Variants in LPP observed in about 807,000 individuals in gnomAD.
LPP encodes LIM domain containing preferred translocation partner in lipoma.
A neutral mutation model predicts 60.4 loss-of-function variants in LPP; 38 were observed. The observed-to-expected ratio is 0.63, with a 90% confidence interval of 0.49 to 0.83. The LOEUF (loss-of-function observed/expected upper bound fraction) is 0.83. LPP is among the 40% of genes least tolerant of loss of function. LPP has a pLI of 0.00. For missense variants in LPP, 902 were observed against 783.6 expected, an observed-to-expected ratio of 1.15 and a Z score of -1.80; for synonymous variants, 328 against 290.8, an observed-to-expected ratio of 1.13 and a Z score of -1.30.
intron 7 of LPP, among the ~76,000 whole-genome samples, chr3:188,653,450 A>G (rs896108569): frequency 6.6e-6 from 1 of 152,160 alleles, no homozygotes; most frequent in Non-Finnish European, 1.5e-5. Context: ...AACATAACAC[A>G]CAATTATAGC....
intron 9 of LPP, among the ~76,000 whole-genome samples, chr3:188,779,036 A>G (rs1159181874): frequency 6.6e-6 from 1 of 152,170 alleles, no homozygotes; most frequent in Non-Finnish European, 1.5e-5. Flanking sequence ...CAAATGCTTC[A>G]CAATTTGAAT....
rs1317951778 is a variant in LPP, at chr3:188,484,691, C to T, written c.293C>T (p.Ala98Val). ...FPPPPPLDEE[A>V]FKVQGNPGGK... ...CCTCCACCACCTCTTGATGAAGAGG[C>T]TTTCAAAGTACAGGTAAGAGCTGAA... The change falls in exon 5 of 12, where the codon GCT becomes GTT. Residue 98 changes from alanine to valine, a missense_variant. By Grantham distance (64) the Ala-to-Val change is moderately conservative. Transcript: ENST00000617246. 1 of 1,608,544 alleles carries T rather than the reference C, an allele frequency of 6.2e-7. No individual in the cohort carries two copies. Among genetic ancestry groups the T allele is most frequent in the Admixed American group, 1.7e-5 (1 of 60,016 alleles).
chr3:188,302,548 A>G (rs945490918), intron 2 of LPP, among the ~76,000 whole-genome samples: 1 of 152,188 alleles, frequency 6.6e-6, no homozygotes, highest in Non-Finnish European at 1.5e-5. Flanking sequence ...TTAGTATTTG[A>G]CAGAATGGGG....
intron 5 of LPP, among the ~76,000 whole-genome samples, chr3:188,501,531 C>T (rs1010235169): frequency 1.8e-4 from 28 of 152,082 alleles, no homozygotes; most frequent in South Asian, 1.0e-3. Flanking sequence ...GGGTGGATCA[C>T]GAGGTCAGGA....
Position 188,785,527 on chromosome 3 carries a change from TATTCCATCATATATATATATACACAC to T in LPP, c.1410+25247_1410+25272del, listed in dbSNP as rs1560201546. Among the ~76,000 whole-genome samples the T allele has an allele frequency of 4.0e-4, 14 of 35,396 alleles. 2 individuals are homozygous for T. Among genetic ancestry groups the T allele is most frequent in the African/African-American group, 2.2e-3 (14 of 6,438 alleles). The allele number at this position is 35,396 out of a possible 152,430, so 23.2% of individuals were successfully genotyped here. Reference sequence around the variant, plus strand: ...ATTCCATCATATATATATATATATATATTCCATCATATATATATATACACACACACACACACACACACACACATACC... The same window carrying T: ...ATTCCATCATATATATATATATATATACACACACACACACACACACATACC... On this transcript the variant is annotated intron_variant, in intron 9 of 11. Coordinates refer to ENST00000617246, the MANE Select transcript of LPP (RefSeq NM_001375462.1).
chr3:188,521,261 T>G (rs757148317), intron 5 of LPP, among the ~76,000 whole-genome samples: 13 of 152,280 alleles, frequency 8.5e-5, no homozygotes, highest in Admixed American at 2.0e-4. Context: ...ATAAATTGCA[T>G]CAACCTAATT....
At chr3:188,746,901 T>C (rs1726401008) in intron 8 of LPP, among the ~76,000 whole-genome samples, 1 of 152,218 alleles carries the variant, frequency 6.6e-6, no homozygotes, top group Admixed American at 6.5e-5. Flanking sequence ...AAGTTTGAAG[T>C]CTTGAAGGGC....
chr3:188,507,756 T>C (rs899323151), intron 5 of LPP, among the ~76,000 whole-genome samples: 9 of 152,160 alleles, frequency 5.9e-5, no homozygotes, highest in Non-Finnish European at 1.5e-5. Flanking sequence ...TACCAGATCG[T>C]TGCCCCCTGG....
chr3:188,252,669 A>G (rs762956276), intron 2 of LPP, among the ~76,000 whole-genome samples: 18 of 152,166 alleles, frequency 1.2e-4, no homozygotes, highest in African/African-American at 4.3e-4. Context: ...CACATGTCCT[A>G]TTAGGAGTAA....
At chr3:188,296,442 C>T (rs1182192740) in intron 2 of LPP, among the ~76,000 whole-genome samples, 1 of 152,112 alleles carries the variant, frequency 6.6e-6, no homozygotes, top group Admixed American at 6.5e-5. Flanking sequence ...TGAGCAAAAG[C>T]AGAGGCAGGG....
chr3:188,160,000 C>A (rs1473481269), intron 1 of LPP, among the ~76,000 whole-genome samples: 1 of 152,206 alleles, frequency 6.6e-6, no homozygotes, highest in Non-Finnish European at 1.5e-5. Flanking sequence ...GCAACCTCCA[C>A]CCCCTGGGTT....
chr3:188,871,640 C>T (rs908763548), intron 10 of LPP, among the ~76,000 whole-genome samples: 1 of 152,092 alleles, frequency 6.6e-6, no homozygotes, highest in South Asian at 2.1e-4. Context: ...AAACCAGTAC[C>T]ATGAAAAAAC....
intron 9 of LPP, among the ~76,000 whole-genome samples, chr3:188,845,557 C>T (rs1029413760): frequency 3.3e-5 from 5 of 152,104 alleles, no homozygotes; most frequent in African/African-American, 1.2e-4. Flanking sequence ...GATTTGTTCT[C>T]CTTGATTGAA....
intron 2 of LPP, among the ~76,000 whole-genome samples, chr3:188,297,745 A>T (rs1302044157): frequency 6.6e-6 from 1 of 152,218 alleles, no homozygotes; most frequent in African/African-American, 2.4e-5. Context: ...TTTCATATTG[A>T]GCATTTCATA....
chr3:188,351,793 TA>T (rs1765925318), intron 3 of LPP, among the ~76,000 whole-genome samples: 1 of 152,058 alleles, frequency 6.6e-6, no homozygotes, highest in Non-Finnish European at 1.5e-5. Flanking sequence ...TTCTAAGGGA[TA>T]TGGATTGTAG....
At chr3:188,237,023 C>T (rs1422644248) in intron 2 of LPP, among the ~76,000 whole-genome samples, 1 of 152,178 alleles carries the variant, frequency 6.6e-6, no homozygotes, top group Non-Finnish European at 1.5e-5. Context: ...AGTCAGGCCT[C>T]TCAAACTTTG....
At chr3:188,426,076 C>T (rs1352132302) in intron 4 of LPP, among the ~76,000 whole-genome samples, 1 of 152,162 alleles carries the variant, frequency 6.6e-6, no homozygotes, top group Admixed American at 6.6e-5. Context: ...CCCGCTTTCT[C>T]TTGTGGGTAT....
chr3:188,889,282 C>T lies in LPP; in HGVS notation c.*14803C>T, dbSNP rs76971802. The T allele has an allele frequency of 0.066, 15,211 of 231,134 alleles. 561 individuals carry two copies. The highest frequency in any genetic ancestry group is 0.089 in the African/African-American group (4,033 of 45,298). The allele number at this position is 231,134 out of a possible 1,614,324, so 14.3% of individuals were successfully genotyped here. On this transcript the variant is annotated 3_prime_UTR_variant, in exon 12 of 12. Transcript: ENST00000617246. ...ACTGTTGATGGAGCAGCAGCATAGC[C>T]TAGAGTGATGCATTCTTACCCAGAG...
At chr3:188,549,653 G>C (rs1037275067) in intron 6 of LPP, among the ~76,000 whole-genome samples, 1 of 152,114 alleles carries the variant, frequency 6.6e-6, no homozygotes, top group African/African-American at 2.4e-5. Context: ...TAAGAGAAAA[G>C]AGTGATAAAC....
Sources: gnomAD v4.1 joint callset for allele counts (sites outside exome capture counted in the v4.1 genomes callset) on GRCh38, gnomAD v4.1.1 for gene constraint, MANE v1.5 for transcripts, NCBI Gene and HGNC (gene_info 2026-07-23, HGNC 2026-07-21) for gene names.